The following KCTD1 variants were observed in gnomAD, a reference collection of about 807,000 sequenced individuals.
KCTD1 encodes potassium channel tetramerization domain containing 1, also known as BTB/POZ domain-containing protein KCTD1.
In KCTD1, 24 loss-of-function variants were observed where a neutral mutation model predicts 66.0. The ratio of observed to expected loss-of-function variants is 0.36; its 90% CI spans 0.26 to 0.51. The LOEUF is 0.51. KCTD1 is among the 20% of genes least tolerant of loss of function. The pLI, the probability that KCTD1 is intolerant of heterozygous loss-of-function variation, is 0.95. For missense variants in KCTD1, 943 were observed against 1,205.2 expected (o/e 0.78, Z 3.22); for synonymous variants, 511 against 517.2 (o/e 0.99, Z 0.16).
chr18:26,568,368 C>A (rs1986030041), intron 1 of KCTD1, among the ~76,000 whole-genome samples: 1 of 152,034 alleles, frequency 6.6e-6, no homozygotes, highest in Admixed American at 6.6e-5. Flanking sequence ...TCTTGAGTAC[C>A]TGGGACTACA....
intron 2 of KCTD1, among the ~76,000 whole-genome samples, chr18:26,483,299 C>T (rs1259421412): frequency 2.6e-5 from 4 of 152,176 alleles, no homozygotes; most frequent in African/African-American, 4.8e-5. Context: ...GAGTGAGTCT[C>T]GCTCTATCAC....
chr18:26,567,197 GTCTCTA>G (rs1187768878), intron 1 of KCTD1, among the ~76,000 whole-genome samples: 1 of 152,120 alleles, frequency 6.6e-6, no homozygotes, highest in East Asian at 1.9e-4. Context: ...CACCACCAAG[GTCTCTA>G]TCTTTTAGGA....
At chr18:26,649,446 C>G (rs146894775) in intron 1 of KCTD1, among the ~76,000 whole-genome samples, 1,869 of 152,240 alleles carry the variant, frequency 0.012, 47 homozygotes, top group African/African-American at 0.042. Context: ...AGGTGCTGAT[C>G]CTTCCAGCTG....
chr18:26,483,043 G>T (rs376815083), intron 2 of KCTD1, among the ~76,000 whole-genome samples: 4 of 152,160 alleles, frequency 2.6e-5, no homozygotes, highest in African/African-American at 9.7e-5. Flanking sequence ...TTTAGTTTCT[G>T]GTCCAGAATT....
intron 1 of KCTD1, among the ~76,000 whole-genome samples, chr18:26,501,700 C>T (rs1982771523): frequency 6.6e-6 from 1 of 152,248 alleles, no homozygotes; most frequent in Non-Finnish European, 1.5e-5. Flanking sequence ...AAACAGACCT[C>T]TGACACCTGT....
chr18:26,632,581 T>C (rs1598976600), upstream of KCTD1, among the ~76,000 whole-genome samples: 1 of 152,012 alleles, frequency 6.6e-6, no homozygotes, highest in Non-Finnish European at 1.5e-5. Context: ...AGATACTGAG[T>C]TTTTAAAAAA....
chr18:26,567,044 C>T lies in KCTD1; in HGVS notation c.-16+62103G>A, dbSNP rs541057563. The T allele has an allele frequency of 1.7e-3, 266 of 152,076 alleles. 2 individuals are homozygous for T. Among genetic ancestry groups the T allele is most frequent in the Non-Finnish European group, 1.8e-3 (125 of 68,040 alleles). The allele number at this position is 152,076 out of a possible 1,614,324, so 9.4% of individuals were successfully genotyped here. ...TTGGCTGCAAGTGGCTCTCTGGGAG[C>T]TAAGGAAGAAAGAAAAGGGAGTAAC... On this transcript the variant is annotated intron_variant, in intron 1 of 4. Transcript: ENST00000317932.
At chr18:26,606,164 G>A (rs1006213023) in intron 1 of KCTD1, among the ~76,000 whole-genome samples, 2 of 152,178 alleles carry the variant, frequency 1.3e-5, no homozygotes, top group Non-Finnish European at 2.9e-5. Flanking sequence ...GGAGACCAAG[G>A]TTTTATCATG....
At chr18:26,644,530 G>T (rs936155025), upstream of KCTD1, among the ~76,000 whole-genome samples, 1 of 152,102 alleles carries the variant, frequency 6.6e-6, no homozygotes, top group African/African-American at 2.4e-5. Flanking sequence ...AGGCCAAGGC[G>T]GGCAGATCAC....
At chr18:26,638,305 A>C (rs879005913) in intron 1 of KCTD1, among the ~76,000 whole-genome samples, 1 of 152,190 alleles carries the variant, frequency 6.6e-6, no homozygotes, top group Non-Finnish European at 1.5e-5. Context: ...TCCTCCTTTA[A>C]TATTTTATTT....
intron 1 of KCTD1, among the ~76,000 whole-genome samples, chr18:26,524,141 C>T (rs958774177): frequency 6.6e-6 from 1 of 152,206 alleles, no homozygotes; most frequent in African/African-American, 2.4e-5. Flanking sequence ...CTACCCATAA[C>T]AACTGGATTA....
In KCTD1 at chr18:26,495,759, A is replaced by G. The variant is rs1208779157; in HGVS notation, c.1988+5313T>C. On this transcript the variant is annotated intron_variant, in intron 2 of 4. Coordinates refer to ENST00000580059, the MANE Select transcript of KCTD1 (RefSeq NM_001142730.3). ...TTTTACCTCTAGGTCATTGGTTGAC[A>G]ATCAGTGCTTTTATTTAAGACCCTT... 2.0e-5 allele frequency among the ~76,000 whole-genome samples: 3 copies of G among 152,186 alleles called. No individual in the cohort carries two copies. The South Asian group carries it at 6.2e-4, about 32-fold the overall frequency.
rs115947949 is a variant in KCTD1 at position 26,502,826 on chromosome 18, T to C, written c.1810-1576A>G. On this transcript the variant is annotated intron_variant, in intron 1 of 4. Transcript: ENST00000580059. Reference sequence around the variant, plus strand: ...GGCACACTGAAGGGATTTTGAAAAATGCCTTTGATGGAGACCACAAAGGGG... The same window carrying C: ...GGCACACTGAAGGGATTTTGAAAAACGCCTTTGATGGAGACCACAAAGGGG... Among the ~76,000 whole-genome samples the C allele has an allele frequency of 5.5e-3, 836 of 152,338 alleles. 6 individuals are homozygous for C. The highest frequency in any genetic ancestry group is 0.019 in the African/African-American group (790 of 41,584).
At chr18:26,555,220 T>C (rs1018699918) in intron 1 of KCTD1, among the ~76,000 whole-genome samples, 2 of 152,232 alleles carry the variant, frequency 1.3e-5, no homozygotes, top group Non-Finnish European at 2.9e-5. Flanking sequence ...GTCTACTAAG[T>C]TAGTAAAAGC....
intron 1 of KCTD1, among the ~76,000 whole-genome samples, chr18:26,647,622 A>C (rs565135777): frequency 6.7e-6 from 1 of 149,120 alleles, no homozygotes; most frequent in Non-Finnish European, 1.5e-5. Flanking sequence ...ATTTGTGCAG[A>C]CTGCATTAAG....
intron 1 of KCTD1, among the ~76,000 whole-genome samples, chr18:26,617,896 A>T (rs1987292160): frequency 6.7e-6 from 1 of 150,352 alleles, no homozygotes; most frequent in Non-Finnish European, 1.5e-5. Flanking sequence ...AGGGCAGGCA[A>T]GGTAAGGGAG....
intron 1 of KCTD1, among the ~76,000 whole-genome samples, chr18:26,517,270 G>A (rs1204981496): frequency 1.3e-5 from 2 of 152,180 alleles, no homozygotes; most frequent in East Asian, 1.9e-4. Context: ...GGAGGGAACT[G>A]GTGGGAGATA....
At chr18:26,617,841 A>C (rs1303028354) in intron 1 of KCTD1, among the ~76,000 whole-genome samples, 1 of 75,770 alleles carries the variant, frequency 1.3e-5, no homozygotes, top group African/African-American at 5.0e-5. Context: ...AGAAGGAAGG[A>C]AGGAAGGAAG....
In KCTD1 at chr18:26,547,697, C is replaced by T; in HGVS notation, c.840G>A (p.Gln280=). ...LEEQGAGPVV[Q]KQAITRADLR... is the part of the protein sequence containing the mutation. ...GGTCGGCGCGCGTGATGGCTTGCTT[C>T]TGCACCACCGGCCCGGCGCCCTGCT... The change falls in exon 1 of 5, where the codon CAG becomes CAA. Residue 280 remains glutamine (Q), a synonymous_variant. Coordinates refer to ENST00000580059, the MANE Select transcript of KCTD1 (RefSeq NM_001142730.3). The T allele has an allele frequency of 1.3e-6, 2 of 1,550,566 alleles. No homozygotes were observed. Among genetic ancestry groups the T allele is most frequent in the Non-Finnish European group, 1.7e-6 (2 of 1,146,938 alleles).
Sources: allele counts gnomAD v4.1 joint callset (sites outside exome capture counted in the v4.1 genomes callset), GRCh38; gene constraint gnomAD v4.1.1; transcripts MANE v1.5; gene names NCBI Gene and HGNC (gene_info 2026-07-23, HGNC 2026-07-21).